Variants in PTPRN2 observed in about 807,000 individuals in gnomAD.
The protein encoded by PTPRN2 is receptor-type tyrosine-protein phosphatase N2.
Under a neutral mutation model 118.8 loss-of-function variants are expected in PTPRN2, and 74 were observed. That is an observed-to-expected ratio of 0.62 (90% CI 0.52 to 0.76). The LOEUF (loss-of-function observed/expected upper bound fraction) is 0.76. PTPRN2 is among the 30% of genes least tolerant of loss of function. The pLI, the probability that PTPRN2 is intolerant of heterozygous loss-of-function variation, is 0.00. For missense variants in PTPRN2, 1,481 were observed against 1,394.4 expected, an observed-to-expected ratio of 1.06 and a Z score of -0.99; for synonymous variants, 641 against 608.0, an observed-to-expected ratio of 1.05 and a Z score of -0.80.
At chr7:158,437,878 G>A (rs1350290644) in intron 2 of PTPRN2, among the ~76,000 whole-genome samples, 1 of 152,158 alleles carries the variant, frequency 6.6e-6, no homozygotes, top group Non-Finnish European at 1.5e-5. Context: ...GTCTCCTCAG[G>A]GCCTGGTAAC....
intron 6 of PTPRN2, among the ~76,000 whole-genome samples, chr7:158,150,890 T>A (rs1820952900): frequency 6.6e-6 from 1 of 151,996 alleles, no homozygotes. Flanking sequence ...GGTGGAATTA[T>A]CCTACTGGTT....
intron 6 of PTPRN2, among the ~76,000 whole-genome samples, chr7:158,149,900 G>A (rs1166764939): frequency 6.6e-6 from 1 of 151,120 alleles, no homozygotes; most frequent in Non-Finnish European, 1.5e-5. Flanking sequence ...AACAAAAAGT[G>A]GCAAGAATAT....
chr7:158,026,761 C>T (rs1807304551), intron 11 of PTPRN2, among the ~76,000 whole-genome samples: 1 of 152,160 alleles, frequency 6.6e-6, no homozygotes, highest in Non-Finnish European at 1.5e-5. Context: ...GTACAGGACA[C>T]CGGGAGGAAG....
At chr7:158,176,494 C>A (rs569734190) in intron 5 of PTPRN2, among the ~76,000 whole-genome samples, 86 of 152,272 alleles carry the variant, frequency 5.6e-4, no homozygotes, top group African/African-American at 2.1e-3. Context: ...TGACAGACAC[C>A]AAACACGCCG....
chr7:158,249,045 A>G (rs1420245330), intron 3 of PTPRN2, among the ~76,000 whole-genome samples: 4 of 149,886 alleles, frequency 2.7e-5, no homozygotes, highest in Non-Finnish European at 5.9e-5. Flanking sequence ...CACACATGCC[A>G]CACACGTGCA....
intron 2 of PTPRN2, among the ~76,000 whole-genome samples, chr7:158,442,104 C>CAGT (rs1817373717): frequency 1.3e-5 from 1 of 75,290 alleles, no homozygotes; most frequent in Non-Finnish European, 2.9e-5. Context: ...GTGATGGTCA[C>CAGT]GGCAGTGGTG....
At chr7:158,157,205 C>T (rs1821905263) in intron 6 of PTPRN2, among the ~76,000 whole-genome samples, 3 of 152,218 alleles carry the variant, frequency 2.0e-5, no homozygotes, top group Non-Finnish European at 2.9e-5. Flanking sequence ...TGGAAGGCCT[C>T]CCCCTTGGAG....
chr7:158,530,767 C>G (rs1293833997), intron 1 of PTPRN2, among the ~76,000 whole-genome samples: 1 of 152,208 alleles, frequency 6.6e-6, no homozygotes, highest in East Asian at 1.9e-4. Context: ...AACATGCACA[C>G]TCCCAAGATC....
rs888543052 is a variant in PTPRN2 at position 158,417,589 on chromosome 7, C to T, written c.163+72146G>A. Among the ~76,000 whole-genome samples, 2 of 148,592 alleles carry T rather than the reference C, an allele frequency of 1.3e-5. 1 individual carries two copies. Among genetic ancestry groups the T allele is most frequent in the East Asian group, 4.1e-4 (2 of 4,908 alleles). ...TCTATTAAGTCATGATGTCCTACAT[C>T]GAGATGCTCTAGCTCTCAGTGTCCC... On this transcript the variant is annotated intron_variant, in intron 2 of 22. Transcript: ENST00000389418.
At chr7:157,746,445 C>T (rs1800944517) in intron 12 of PTPRN2, among the ~76,000 whole-genome samples, 1 of 148,566 alleles carries the variant, frequency 6.7e-6, no homozygotes, top group South Asian at 2.2e-4. Flanking sequence ...TCACGGGACT[C>T]CCTACACCCT....
intron 2 of PTPRN2, among the ~76,000 whole-genome samples, chr7:158,467,985 A>G (rs2129443902): frequency 6.6e-6 from 1 of 152,300 alleles, no homozygotes; most frequent in Admixed American, 6.5e-5. Flanking sequence ...CTAGGATGCA[A>G]CTGGAATTGT....
intron 12 of PTPRN2, among the ~76,000 whole-genome samples, chr7:157,702,638 C>T (rs896451062): frequency 2.6e-5 from 4 of 152,250 alleles, no homozygotes; most frequent in African/African-American, 9.6e-5. Context: ...GGATAATAAT[C>T]TCTGGCAACA....
At chr7:157,739,887 G>A (rs968224410) in intron 12 of PTPRN2, among the ~76,000 whole-genome samples, 4 of 152,218 alleles carry the variant, frequency 2.6e-5, no homozygotes, top group East Asian at 3.9e-4. Context: ...GCGTGCTCAC[G>A]CATGGCTCCC....
chr7:158,312,248 C>T (rs543725513), intron 3 of PTPRN2, among the ~76,000 whole-genome samples: 8 of 107,226 alleles, frequency 7.5e-5, no homozygotes, highest in African/African-American at 2.5e-4. Context: ...GCACACACAC[C>T]TGCACACGCA....
intron 2 of PTPRN2, among the ~76,000 whole-genome samples, chr7:158,472,477 C>T (rs534367615): frequency 2.0e-5 from 3 of 152,312 alleles, no homozygotes; most frequent in African/African-American, 7.2e-5. Context: ...AACCCCCATG[C>T]AGTGCACTAT....
chr7:158,397,072 GCT>G (rs1812572356), intron 2 of PTPRN2, among the ~76,000 whole-genome samples: 1 of 152,198 alleles, frequency 6.6e-6, no homozygotes, highest in Non-Finnish European at 1.5e-5. Context: ...CTTTTAATTT[GCT>G]CTTTTAATTA....
intron 3 of PTPRN2, among the ~76,000 whole-genome samples, chr7:158,212,814 G>A (rs1827699643): frequency 6.6e-6 from 1 of 152,134 alleles, no homozygotes; most frequent in Admixed American, 6.5e-5. Flanking sequence ...AATGGAATAA[G>A]GGGTATTGTT....
intron 9 of PTPRN2, among the ~76,000 whole-genome samples, chr7:158,114,341 C>T (rs1816552116): frequency 1.3e-5 from 2 of 152,176 alleles, no homozygotes; most frequent in African/African-American, 4.8e-5. Flanking sequence ...TGGGTTCCCA[C>T]TGGTGCTGAC....
chr7:158,142,512 C>T (rs1819485008), intron 6 of PTPRN2, among the ~76,000 whole-genome samples: 1 of 152,196 alleles, frequency 6.6e-6, no homozygotes, highest in African/African-American at 2.4e-5. Flanking sequence ...ATGAAACCTG[C>T]CGTTTAAAAC....
Sources: gnomAD v4.1 joint callset for allele counts (sites outside exome capture counted in the v4.1 genomes callset) on GRCh38, gnomAD v4.1.1 for gene constraint, MANE v1.5 for transcripts, NCBI Gene and HGNC (gene_info 2026-07-23, HGNC 2026-07-21) for gene names.